The following EPHA6 variants were observed in gnomAD, a reference collection of about 807,000 sequenced individuals.
EPHA6 encodes the protein ephrin type-A receptor 6.
EPHA6 carries 50 observed loss-of-function variants against 112.0 expected under a neutral mutation model. The ratio of observed to expected loss-of-function variants is 0.45; its 90% CI spans 0.36 to 0.56. The LOEUF (loss-of-function observed/expected upper bound fraction) is 0.56. EPHA6 is among the 20% of genes least tolerant of loss of function. The pLI is 0.00. For missense variants in EPHA6, 1,280 were observed against 1,417.4 expected (o/e 0.90, Z 1.56); for synonymous variants, 529 against 490.7 (o/e 1.08, Z -1.03).
chr3:96,981,312 T>G (rs1318689435), intron 2 of EPHA6, among the ~76,000 whole-genome samples: 1 of 152,180 alleles, frequency 6.6e-6, no homozygotes, highest in Admixed American at 6.5e-5. Flanking sequence ...GATAATCATG[T>G]GGTTTTTGTC....
intron 5 of EPHA6, among the ~76,000 whole-genome samples, chr3:97,395,169 T>C (rs1413591622): frequency 1.3e-5 from 2 of 151,748 alleles, no homozygotes; most frequent in African/African-American, 4.8e-5. Flanking sequence ...GATAAAGTAC[T>C]AACTTGCTGC....
At chr3:97,091,509 T>C (rs1449953236) in intron 3 of EPHA6, among the ~76,000 whole-genome samples, 1 of 152,154 alleles carries the variant, frequency 6.6e-6, no homozygotes, top group African/African-American at 2.4e-5. Context: ...AGGAAGTGTA[T>C]ACAGAAGTTC....
intron 5 of EPHA6, among the ~76,000 whole-genome samples, chr3:97,348,414 A>G (rs1253223880): frequency 2.0e-5 from 3 of 152,086 alleles, no homozygotes; most frequent in Admixed American, 1.3e-4. Flanking sequence ...TATCAGATCT[A>G]TATAGATTTA....
rs370864536 is a variant in EPHA6, at chr3:96,929,761, A to C, written c.451-57569A>C. Among the ~76,000 whole-genome samples, 8 of 152,120 alleles carry C rather than the reference A, an allele frequency of 5.3e-5. No homozygotes were observed. The East Asian group carries it at 9.7e-4, about 18-fold the overall frequency. ...GGTTCTCTTCATTTCCTGAATTTGA[A>C]TGTTGGCCTCTCTTATTAGGCTGGG... On this transcript the variant is annotated intron_variant, in intron 2 of 17. Transcript: ENST00000389672.
chr3:96,895,180 A>G (rs1304790350), intron 2 of EPHA6, among the ~76,000 whole-genome samples: 2 of 152,154 alleles, frequency 1.3e-5, no homozygotes, highest in Non-Finnish European at 2.9e-5. Flanking sequence ...TCAGTGGGAC[A>G]GGATAAGGAG....
intron 1 of EPHA6, among the ~76,000 whole-genome samples, chr3:96,840,554 C>A (rs1405316802): frequency 6.6e-6 from 1 of 151,862 alleles, no homozygotes; most frequent in Non-Finnish European, 1.5e-5. Context: ...GAGATCTGAG[C>A]AAAAGATGAG....
At chr3:96,878,809 T>A (rs2037126793) in intron 2 of EPHA6, among the ~76,000 whole-genome samples, 1 of 152,028 alleles carries the variant, frequency 6.6e-6, no homozygotes, top group Non-Finnish European at 1.5e-5. Context: ...TCTTTTGTCA[T>A]AGAGAAGGAA....
chr3:97,301,459 A>T (rs1213027633), intron 5 of EPHA6, among the ~76,000 whole-genome samples: 1 of 152,194 alleles, frequency 6.6e-6, no homozygotes, highest in Non-Finnish European at 1.5e-5. Context: ...ATATAGACTC[A>T]TTTATTCTCA....
intron 5 of EPHA6, 122 bp from the exon 6 acceptor site, chr3:97,405,028 C>A: frequency 9.5e-7 from 1 of 1,056,790 alleles, no homozygotes; most frequent in Non-Finnish European, 1.4e-6. Context: ...ATTAATCTGC[C>A]TTCAATAAAT....
At chr3:97,140,699 A>G (rs2075877713) in intron 3 of EPHA6, among the ~76,000 whole-genome samples, 1 of 152,208 alleles carries the variant, frequency 6.6e-6, no homozygotes, top group Non-Finnish European at 1.5e-5. Flanking sequence ...CCTAGAAACA[A>G]AAAGACAATA....
chr3:97,497,060 C>T (rs986633061), intron 10 of EPHA6, among the ~76,000 whole-genome samples: 25 of 152,220 alleles, frequency 1.6e-4, no homozygotes, highest in Non-Finnish European at 2.9e-5. Flanking sequence ...CTCTCCTAGC[C>T]TCCCTTCTTC....
intron 15 of EPHA6, among the ~76,000 whole-genome samples, chr3:97,723,983 A>T (rs2034643303): frequency 6.6e-6 from 1 of 152,128 alleles, no homozygotes; most frequent in African/African-American, 2.4e-5. Context: ...CATTTATTTG[A>T]TCAAAATACA....
chr3:96,968,036 T>C (rs1340954249), intron 2 of EPHA6, among the ~76,000 whole-genome samples: 1 of 151,932 alleles, frequency 6.6e-6, no homozygotes, highest in African/African-American at 2.4e-5. Context: ...TATTTTTTTC[T>C]CTTCTCTTTA....
chr3:97,322,246 A>C (rs2082155577), intron 5 of EPHA6, among the ~76,000 whole-genome samples: 1 of 152,016 alleles, frequency 6.6e-6, no homozygotes, highest in African/African-American at 2.4e-5. Context: ...TAAGCCTCTG[A>C]GTTAGAGAAA....
intron 11 of EPHA6, among the ~76,000 whole-genome samples, chr3:97,552,957 A>G (rs2093049695): frequency 6.6e-6 from 1 of 152,146 alleles, no homozygotes; most frequent in African/African-American, 2.4e-5. Flanking sequence ...TAGAGAACAT[A>G]TTAATGTCTA....
At chr3:96,883,032 G>A (rs1475223759) in intron 2 of EPHA6, among the ~76,000 whole-genome samples, 1 of 152,078 alleles carries the variant, frequency 6.6e-6, no homozygotes, top group African/African-American at 2.4e-5. Flanking sequence ...GTACTAGTTT[G>A]TATTCCCACC....
intron 1 of EPHA6, among the ~76,000 whole-genome samples, chr3:96,830,745 G>T (rs2034014765): frequency 6.6e-6 from 1 of 151,804 alleles, no homozygotes; most frequent in African/African-American, 2.4e-5. Flanking sequence ...ATAATAGAAA[G>T]ATTATTTGGA....
chr3:97,498,271 G>C (rs944317587), intron 10 of EPHA6, among the ~76,000 whole-genome samples: 4 of 145,412 alleles, frequency 2.8e-5, no homozygotes, highest in African/African-American at 7.7e-5. Context: ...GCAAATCCAA[G>C]AGACACAATT....
rs2091634665 is a variant in EPHA6, at chr3:97,484,030, G to A, written c.2171G>A (p.Arg724Lys). Residue 724 changes from arginine to lysine, a missense_variant, in exon 10 of 18, where the codon AGA (arginine) becomes AAA (lysine). This residue lies in a region of EPHA6 where 878 missense variants were observed against 999.7 expected (regional missense o/e 0.88). Coordinates refer to ENST00000389672, the MANE Select transcript of EPHA6 (RefSeq NM_001080448.3). ...TTTGCAAAGGAGATTGATCCCTCAA[G>A]AATTCGTATTGAGAGAGTCATTGGG... is the stretch of plus-strand genomic sequence containing the variant. ...HEFAKEIDPS[R>K]IRIERVIGAG... The A allele has an allele frequency of 6.2e-7, 1 of 1,608,154 alleles. No individual in the cohort carries two copies. Among genetic ancestry groups the A allele is most frequent in the Non-Finnish European group, 8.5e-7 (1 of 1,177,404 alleles).
Sources: gnomAD v4.1 joint callset for allele counts (sites outside exome capture counted in the v4.1 genomes callset) on GRCh38, gnomAD v4.1.1 for gene constraint, gnomAD v4.1.1 regional missense constraint, MANE v1.5 for transcripts, NCBI Gene and HGNC (gene_info 2026-07-23, HGNC 2026-07-21) for gene names.